DOK6: variants seen among roughly 807,000 people sequenced by gnomAD.
DOK6 encodes the protein downstream of tyrosine kinase 6.
DOK6 carries 22 observed loss-of-function variants against 44.0 expected under a neutral mutation model. That is an observed-to-expected ratio of 0.50 (90% CI 0.36 to 0.71). DOK6 has a LOEUF of 0.71. Ranked by LOEUF, DOK6 falls within the 30% of genes least tolerant of loss-of-function variation. The pLI, the probability that DOK6 is intolerant of heterozygous loss-of-function variation, is 0.00. For synonymous variants in DOK6, 166 were observed against 145.5 expected (o/e 1.14, Z -1.01); for missense variants, 340 against 416.4 (o/e 0.82, Z 1.60).
chr18:69,505,362 G>A (rs778476962), intron 1 of DOK6, among the ~76,000 whole-genome samples: 3 of 152,040 alleles, frequency 2.0e-5, no homozygotes, highest in Non-Finnish European at 4.4e-5. Context: ...TGTTTCCTGT[G>A]TGAAGCTCTG....
At chr18:69,449,437 T>A (rs1053374809) in intron 1 of DOK6, among the ~76,000 whole-genome samples, 3 of 152,244 alleles carry the variant, frequency 2.0e-5, no homozygotes, top group African/African-American at 7.2e-5. Flanking sequence ...CATATCTTAA[T>A]AGCATATGTT....
rs1916088656 is a variant in DOK6 at position 69,401,181 on chromosome 18, G to GA, written c.-64_-63insA. On this transcript the variant is annotated 5_prime_UTR_variant, in exon 1 of 8. Transcript: ENST00000382713. ...ATGCGAGACCCGCGCAGACCCGGCG[G>GA]CGGACGGCGGCTCTCGACTCCGGAG... The GA allele has an allele frequency of 3.4e-6, 5 of 1,481,790 alleles. No individual in the cohort carries two copies. Among genetic ancestry groups the GA allele is most frequent in the Non-Finnish European group, 4.5e-6 (5 of 1,112,890 alleles). The allele number at this position is 1,481,790 out of a possible 1,614,324, so 91.8% of individuals were successfully genotyped here.
At chr18:69,752,424 C>G (rs1314922229) in intron 6 of DOK6, among the ~76,000 whole-genome samples, 1 of 152,034 alleles carries the variant, frequency 6.6e-6, no homozygotes, top group Non-Finnish European at 1.5e-5. Context: ...AAATTTTTCT[C>G]AAAATTTTTT....
intron 1 of DOK6, among the ~76,000 whole-genome samples, chr18:69,435,688 A>T (rs1055911982): frequency 6.6e-6 from 1 of 152,200 alleles, no homozygotes; most frequent in African/African-American, 2.4e-5. Flanking sequence ...ATGTATTTTT[A>T]AAAATCTTTT....
At chr18:69,646,634 A>C (rs889827402) in intron 3 of DOK6, among the ~76,000 whole-genome samples, 3 of 152,148 alleles carry the variant, frequency 2.0e-5, no homozygotes, top group African/African-American at 7.2e-5. Flanking sequence ...AACTTCTGCT[A>C]ATTTTAATTC....
At chr18:69,696,869 A>G (rs538163172) in intron 4 of DOK6, among the ~76,000 whole-genome samples, 59 of 152,336 alleles carry the variant, frequency 3.9e-4, no homozygotes, top group African/African-American at 1.4e-3. Flanking sequence ...GGGAATATGT[A>G]TATATTTGGG....
chr18:69,734,135 A>G (rs529101036), intron 5 of DOK6, among the ~76,000 whole-genome samples: 2 of 151,468 alleles, frequency 1.3e-5, no homozygotes, highest in East Asian at 1.9e-4. Context: ...GGAGGAAGAT[A>G]CATGGATTCA....
intron 1 of DOK6, among the ~76,000 whole-genome samples, chr18:69,458,469 C>T (rs1238104702): frequency 6.6e-6 from 1 of 152,054 alleles, no homozygotes; most frequent in African/African-American, 2.4e-5. Flanking sequence ...AGAAGCATTC[C>T]CTTCGAGGAT....
chr18:69,416,610 A>G (rs1978346797), intron 1 of DOK6, among the ~76,000 whole-genome samples: 1 of 152,136 alleles, frequency 6.6e-6, no homozygotes, highest in South Asian at 2.1e-4. Flanking sequence ...TGGCCCATTT[A>G]GAAATTTCAC....
intron 3 of DOK6, among the ~76,000 whole-genome samples, chr18:69,674,373 T>C (rs1048348838): frequency 3.3e-5 from 5 of 152,180 alleles, no homozygotes. Context: ...TAGAAAATCA[T>C]GAAAAGAATG....
intron 1 of DOK6, among the ~76,000 whole-genome samples, chr18:69,468,420 T>C (rs556102981): frequency 6.6e-6 from 1 of 152,304 alleles, no homozygotes; most frequent in South Asian, 2.1e-4. Flanking sequence ...TGTACCCCTA[T>C]AAATTAAAAA....
At chr18:69,495,558 G>A (rs967009022) in intron 1 of DOK6, among the ~76,000 whole-genome samples, 3 of 152,156 alleles carry the variant, frequency 2.0e-5, no homozygotes, top group African/African-American at 7.2e-5. Flanking sequence ...GGGAGGAAGT[G>A]CACACTGATT....
chr18:69,540,304 T>G (rs1982235528), intron 1 of DOK6, among the ~76,000 whole-genome samples: 1 of 152,242 alleles, frequency 6.6e-6, no homozygotes, highest in Admixed American at 6.5e-5. Flanking sequence ...TGATTACTCA[T>G]CTGCCATTGC....
chr18:69,418,539 G>A (rs1030882144), intron 1 of DOK6, among the ~76,000 whole-genome samples: 3 of 152,182 alleles, frequency 2.0e-5, no homozygotes, highest in African/African-American at 7.2e-5. Flanking sequence ...ATGGTTTACT[G>A]TAACCTTGAA....
chr18:69,764,151 GC>G (rs1448609567), intron 7 of DOK6, among the ~76,000 whole-genome samples: 1 of 152,062 alleles, frequency 6.6e-6, no homozygotes, highest in East Asian at 1.9e-4. Flanking sequence ...TGCTAGATCT[GC>G]CCCTTTAACA....
intron 1 of DOK6, among the ~76,000 whole-genome samples, chr18:69,476,661 C>G (rs1054649980): frequency 6.6e-6 from 1 of 152,194 alleles, no homozygotes; most frequent in East Asian, 1.9e-4. Context: ...TGGAGTTGAC[C>G]TTGAGAAAGG....
chr18:69,605,028 T>G (rs1263161972), intron 3 of DOK6, among the ~76,000 whole-genome samples: 1 of 151,192 alleles, frequency 6.6e-6, no homozygotes, highest in East Asian at 1.9e-4. Context: ...ATAGAAAATT[T>G]CAAAAAATCC....
At chr18:69,504,763 G>T (rs1363766616) in intron 1 of DOK6, among the ~76,000 whole-genome samples, 2 of 152,128 alleles carry the variant, frequency 1.3e-5, no homozygotes, top group African/African-American at 2.4e-5. Context: ...ATAATTAAGA[G>T]AAATTATAAA....
intron 7 of DOK6, among the ~76,000 whole-genome samples, chr18:69,830,518 G>C (rs2145132149): frequency 6.6e-6 from 1 of 152,248 alleles, no homozygotes; most frequent in South Asian, 2.1e-4. Context: ...AAGGAAAGAG[G>C]CCTCAGAAGA....
Sources: gnomAD v4.1 joint callset for allele counts (sites outside exome capture counted in the v4.1 genomes callset) on GRCh38, gnomAD v4.1.1 for gene constraint, MANE v1.5 for transcripts, NCBI Gene and HGNC (gene_info 2026-07-23, HGNC 2026-07-21) for gene names.